Variants in CLIC6 observed in about 807,000 individuals in gnomAD.
The protein encoded by CLIC6 is chloride intracellular channel protein 6.
Under a neutral mutation model 49.2 loss-of-function variants are expected in CLIC6, and 39 were observed. The observed-to-expected ratio is 0.79, with a 90% CI of 0.61 to 1.04. The LOEUF (loss-of-function observed/expected upper bound fraction) is 1.04. CLIC6 is among the 50% of genes least tolerant of loss of function. The probability of loss-of-function intolerance (pLI) is 0.00; values close to 1 mark genes in which losing one functional copy is unlikely to be tolerated. For synonymous variants in CLIC6, 446 were observed against 433.4 expected, an observed-to-expected ratio of 1.03 and a Z score of -0.36; for missense variants, 988 against 993.1, an observed-to-expected ratio of 0.99 and a Z score of 0.07.
In CLIC6 at chr21:34,716,413, C is replaced by T. The variant is rs1294478800; in HGVS notation, c.1992C>T (p.Phe664=). Residue 664 remains phenylalanine, a synonymous_variant, in exon 6 of 6, where the codon TTC becomes TTT. Transcript: ENST00000349499. ...YLNNAYARDE[F]TNTCPADQEI... ...ATAATGCTTATGCTAGAGATGAGTT[C>T]ACAAATACGTGTCCAGCTGATCAAG... 1.2e-6 allele frequency: 2 copies of T among 1,613,860 alleles called. No homozygotes were observed. The highest frequency in any genetic ancestry group is 1.7e-6 in the Non-Finnish European group (2 of 1,179,796).
chr21:34,709,255 G>A, intron 4 of CLIC6, 102 bp from the exon 5 acceptor site: 1 of 1,004,776 alleles, frequency 1.0e-6, no homozygotes, highest in Non-Finnish European at 1.5e-6. Flanking sequence ...TTGCTTGCTG[G>A]CCACATCTCA....
chr21:34,689,266 C>T (rs535356589), intron 1 of CLIC6, among the ~76,000 whole-genome samples: 9 of 152,302 alleles, frequency 5.9e-5, no homozygotes, highest in African/African-American at 1.9e-4. Flanking sequence ...CTCCAGCAGT[C>T]GTGGTGAGAC....
At chr21:34,689,293 G>A (rs1010288814) in intron 1 of CLIC6, among the ~76,000 whole-genome samples, 11 of 152,168 alleles carry the variant, frequency 7.2e-5, no homozygotes, top group African/African-American at 2.4e-4. Context: ...TTAGGAAGAC[G>A]TTGTCAGTGC....
intron 1 of CLIC6, among the ~76,000 whole-genome samples, chr21:34,679,120 C>T (rs1046979536): frequency 3.3e-5 from 5 of 152,120 alleles, no homozygotes; most frequent in Admixed American, 6.5e-5. Flanking sequence ...AAGAACTGCC[C>T]AAGACTGGAT....
chr21:34,695,680 C>G (rs768777871), intron 1 of CLIC6, among the ~76,000 whole-genome samples: 2 of 152,210 alleles, frequency 1.3e-5, no homozygotes, highest in Non-Finnish European at 2.9e-5. Flanking sequence ...ATGAGAAAAG[C>G]AAGTCTGAAA....
At chr21:34,704,859 G>A (rs2056003866) in intron 1 of CLIC6, among the ~76,000 whole-genome samples, 1 of 152,190 alleles carries the variant, frequency 6.6e-6, no homozygotes. Context: ...CAGGCGGAGA[G>A]CCCCGTGCAA....
rs1322777720 is a variant in CLIC6, at chr21:34,669,498, AG to A, written c.112del (p.Ala38GlnfsTer20). The A allele has an allele frequency of 4.1e-6, 5 of 1,234,172 alleles. No homozygotes were observed. The highest frequency in any genetic ancestry group is 5.1e-6 in the Non-Finnish European group (5 of 989,824). 76.5% of individuals were successfully genotyped at this position (1,234,172 alleles called of 1,614,324 possible). On this transcript the variant is annotated frameshift_variant, in exon 1 of 6. Coordinates refer to ENST00000349499, the MANE Select transcript of CLIC6 (RefSeq NM_053277.3). LOFTEE classifies it high-confidence loss of function. Reference protein sequence around the residue: ...RPGEPGAAGGEAEGPEGSEGA... With the variant: ...RPGEPGAAGGXAEGPEGSEGA... Reference sequence around the variant, plus strand: ...GGAGAGCCAGGAGCCGCGGGCGGGGAGGCAGAAGGGCCGGAGGGGAGCGAGG... The same window carrying A: ...GGAGAGCCAGGAGCCGCGGGCGGGGAGCAGAAGGGCCGGAGGGGAGCGAGG...
chr21:34,679,467 A>G (rs976633836), intron 1 of CLIC6, among the ~76,000 whole-genome samples: 66 of 152,018 alleles, frequency 4.3e-4, no homozygotes, highest in Non-Finnish European at 8.4e-4. Context: ...CCCCTCCCAA[A>G]TCTCATGTCC....
chr21:34,716,452 A>G lies in CLIC6; in HGVS notation c.2031A>G (p.Ala677=). ...CAGCTGATCAAGAGATTGAACACGCATATTCAGATGTTGCAAAAAGAATGA... is the reference window on the plus strand; with the variant it reads ...CAGCTGATCAAGAGATTGAACACGCGTATTCAGATGTTGCAAAAAGAATGA... ...TCPADQEIEH[A]YSDVAKRMK Residue 677 remains alanine (A), a synonymous_variant, in exon 6 of 6, where the codon GCA becomes GCG. Transcript: ENST00000349499. 6.2e-7 allele frequency: 1 copy of G among 1,612,522 alleles called. No individual in the cohort carries two copies. Among genetic ancestry groups the G allele is most frequent in the African/African-American group, 1.3e-5 (1 of 74,988 alleles).
intron 1 of CLIC6, among the ~76,000 whole-genome samples, chr21:34,689,525 T>C (rs1989949139): frequency 6.6e-6 from 1 of 152,192 alleles, no homozygotes. Context: ...CTCATTCTCA[T>C]TGCAAGTCCA....
chr21:34,702,791 T>A (rs1201954052), intron 1 of CLIC6, among the ~76,000 whole-genome samples: 1 of 152,146 alleles, frequency 6.6e-6, no homozygotes, highest in Non-Finnish European at 1.5e-5. Flanking sequence ...GGGAGTCACC[T>A]CCCGTCTGAT....
At chr21:34,711,166 A>G (rs146353415) in intron 5 of CLIC6, among the ~76,000 whole-genome samples, 11 of 152,268 alleles carry the variant, frequency 7.2e-5, no homozygotes, top group Non-Finnish European at 1.5e-4. Context: ...TGTAGGGGAG[A>G]TGGGAGAAAC....
chr21:34,690,200 G>A (rs531623595), intron 1 of CLIC6, among the ~76,000 whole-genome samples: 1 of 152,192 alleles, frequency 6.6e-6, no homozygotes, highest in Non-Finnish European at 1.5e-5. Context: ...CAGAGAGGGT[G>A]AGGGCACAGC....
At chr21:34,686,112 C>T (rs1346944492) in intron 1 of CLIC6, among the ~76,000 whole-genome samples, 15 of 152,170 alleles carry the variant, frequency 9.9e-5, no homozygotes, top group Non-Finnish European at 2.2e-4. Flanking sequence ...TGATTAAGAA[C>T]ATATGCTTTG....
At chr21:34,707,884 C>T (rs1187709881) in intron 2 of CLIC6, 60 bp from the exon 3 acceptor site, 6 of 1,599,142 alleles carry the variant, frequency 3.8e-6, no homozygotes, top group Non-Finnish European at 5.1e-6. Context: ...CGGCTAAGCC[C>T]TGGAAATGAG....
At chr21:34,699,503 A>G (rs1204444926) in intron 1 of CLIC6, among the ~76,000 whole-genome samples, 1 of 151,168 alleles carries the variant, frequency 6.6e-6, no homozygotes, top group South Asian at 2.1e-4. Flanking sequence ...AGCTCAAGCA[A>G]TCTGCCCACC....
At chr21:34,675,320 G>A (rs1380482228) in intron 1 of CLIC6, among the ~76,000 whole-genome samples, 1 of 151,582 alleles carries the variant, frequency 6.6e-6, no homozygotes, top group African/African-American at 2.4e-5. Context: ...AATGAGCCAG[G>A]ACCAGCGTCT....
Position 34,688,408 on chromosome 21 carries a change from A to C in CLIC6, c.1374+17646A>C, listed in dbSNP as rs535573994. Among the ~76,000 whole-genome samples, 661 of 152,302 alleles carry C rather than the reference A, an allele frequency of 4.3e-3. 4 individuals are homozygous for C. Among genetic ancestry groups the C allele is most frequent in the African/African-American group, 0.015 (630 of 41,570 alleles). On this transcript the variant is annotated intron_variant, in intron 1 of 5. Transcript: ENST00000349499. ...GACAAAAGACGGAGAACGACGGTTC[A>C]CCCGGGTGGTCTCCTCTGCGGCTGG...
At position 34,707,166 on chromosome 21, in the gene CLIC6, G is replaced by A. The variant is rs576488652; in HGVS notation, c.1375-114G>A. The stretch of plus-strand genomic sequence containing the variant: ...GTAAAATGGCCTCAGGAGGATATTC[G>A]CAGCATCCTGACCGTTCTTATCAAC... On this transcript the variant is annotated intron_variant, in intron 1 of 5. Coordinates refer to ENST00000349499, the MANE Select transcript of CLIC6 (RefSeq NM_053277.3). The A allele has an allele frequency of 4.2e-4, 342 of 818,138 alleles. No individual in the cohort carries two copies. The African/African-American group carries it at 5.0e-3, about 12-fold the overall frequency. 50.7% of individuals were successfully genotyped at this position (818,138 alleles called of 1,614,324 possible). A position where few individuals can be genotyped will look rare whatever the true frequency, so the allele number is the denominator to read the frequency against.
Sources: gnomAD v4.1 joint callset for allele counts (sites outside exome capture counted in the v4.1 genomes callset) on GRCh38, gnomAD v4.1.1 for gene constraint, MANE v1.5 for transcripts, NCBI Gene and HGNC (gene_info 2026-07-23, HGNC 2026-07-21) for gene names.